The following CLGN variants were observed in gnomAD, a reference collection of about 807,000 sequenced individuals.
CLGN encodes the protein calmegin, also known as testis tissue sperm-binding protein Li 79P.
A neutral mutation model predicts 79.1 loss-of-function variants in CLGN; 62 were observed. That is an observed-to-expected ratio of 0.78 (90% CI 0.64 to 0.97). The LOEUF is 0.97. Among genes scored for constraint, CLGN ranks in the 50% least tolerant of loss-of-function variants. The pLI is 0.00. For missense variants in CLGN, 647 were observed against 715.5 expected (o/e 0.90, Z 1.09); for synonymous variants, 225 against 224.7 (o/e 1.00, Z -0.01).
chr4:140,425,183 T>A (rs1024344643), intron 1 of CLGN, among the ~76,000 whole-genome samples: 5 of 152,190 alleles, frequency 3.3e-5, no homozygotes, highest in Non-Finnish European at 7.4e-5. Flanking sequence ...CATTACCTGG[T>A]TCCAGCCAAC....
intron 14 of CLGN, 48 bp from the exon 15 acceptor site, chr4:140,389,352 T>C: frequency 8.0e-7 from 1 of 1,243,426 alleles, no homozygotes; most frequent in South Asian, 1.2e-5. Context: ...AACACATAAC[T>C]AGTAGATAGT....
At chr4:140,410,785 G>A (rs1464931578) in intron 2 of CLGN, among the ~76,000 whole-genome samples, 159 bp from the exon 3 acceptor site, 1 of 151,930 alleles carries the variant, frequency 6.6e-6, no homozygotes, top group Non-Finnish European at 1.5e-5. Context: ...ACCTAGTAAT[G>A]ATAAGGTACA....
Position 140,392,577 on chromosome 4 carries a change from T to C in CLGN, c.1491+9A>G, listed in dbSNP as rs759671707. 5 of 1,582,440 alleles carry C rather than the reference T, an allele frequency of 3.2e-6. No individual in the cohort carries two copies. The African/African-American group carries it at 6.9e-5, about 22-fold the overall frequency. ...GTGAAAAAAGTTGAAGGAAATCCAT[T>C]TTCTTTACCTTTACTTTTCTTGGCC... On this transcript the variant is annotated intron_variant, in intron 12 of 14. Transcript: ENST00000325617.
chr4:140,396,196 A>G lies in CLGN; in HGVS notation c.894T>C (p.Ser298=), dbSNP rs748766457. The change falls in exon 9 of 15, where the codon AGT becomes AGC. Residue 298 remains serine (S), a synonymous_variant. Coordinates refer to ENST00000325617, the MANE Select transcript of CLGN (RefSeq NM_004362.3). ...SAVKPEDWDE[S]EPAQIEDSSV... is the part of the protein sequence containing the mutation. ...TTGAATCTTCTATTTGGGCAGGTTC[A>G]CTTTCATCCCTGTAAATACAACGTT... 8 of 1,613,574 alleles carry G rather than the reference A, an allele frequency of 5.0e-6. No individual in the cohort carries two copies. The Middle Eastern group carries it at 4.9e-4, about 100-fold the overall frequency.
intron 1 of CLGN, among the ~76,000 whole-genome samples, chr4:140,425,659 T>A (rs1729554228): frequency 1.4e-5 from 2 of 146,698 alleles, no homozygotes. Context: ...GATGGAGTCT[T>A]GCTCTGTCAC....
intron 1 of CLGN, among the ~76,000 whole-genome samples, chr4:140,421,889 G>A (rs1729477463): frequency 6.6e-6 from 1 of 151,914 alleles, no homozygotes; most frequent in African/African-American, 2.4e-5. Flanking sequence ...AGCTTTCCAT[G>A]TTTTCTTTTA....
chr4:140,412,804 A>G, intron 2 of CLGN, 131 bp downstream of exon 2: 1 of 840,946 alleles, frequency 1.2e-6, no homozygotes, highest in Non-Finnish European at 1.8e-6. Flanking sequence ...AGACACTTAG[A>G]AAAAAAATCA....
chr4:140,403,123 C>T (rs896540514), intron 5 of CLGN, among the ~76,000 whole-genome samples: 1 of 152,004 alleles, frequency 6.6e-6, no homozygotes, highest in African/African-American at 2.4e-5. Context: ...TACTTTTTAC[C>T]ATGCTTTATT....
At chr4:140,422,729 C>T (rs1197677947) in intron 1 of CLGN, among the ~76,000 whole-genome samples, 1 of 152,134 alleles carries the variant, frequency 6.6e-6, no homozygotes, top group Non-Finnish European at 1.5e-5. Context: ...TGATCCTCCA[C>T]TTCAGCCTCT....
In CLGN at chr4:140,406,027, C is replaced by T; in HGVS notation, c.334G>A (p.Val112Ile). Residue 112 changes from valine (V) to isoleucine (I), a missense_variant, in exon 5 of 15, where the codon GTA (valine) becomes ATA (isoleucine). Physicochemically the swap from Val to Ile is conservative, Grantham distance 29. Coordinates refer to ENST00000325617, the MANE Select transcript of CLGN (RefSeq NM_004362.3). ...TGATGCTTTGCTCTAGATTTTAATA[C>T]CAGTCCTCTGTCACCAGGTACCTGG... ...ENQVPGDRGL[V>I]LKSRAKHHAI... is the part of the protein sequence containing the mutation. The T allele has an allele frequency of 6.2e-7, 1 of 1,613,324 alleles. No homozygotes were observed.
intron 1 of CLGN, among the ~76,000 whole-genome samples, chr4:140,421,347 A>T (rs1455860745): frequency 6.6e-6 from 1 of 151,938 alleles, no homozygotes; most frequent in East Asian, 1.9e-4. Context: ...TCATATGATA[A>T]TTCTATTTTT....
rs1728724218 is a variant in CLGN, at chr4:140,388,953, C to G, written c.*271G>C. 1 of 363,196 alleles carries G rather than the reference C, an allele frequency of 2.8e-6. No homozygotes were observed. The highest frequency in any genetic ancestry group is 5.0e-6 in the Non-Finnish European group (1 of 200,342). The allele number at this position is 363,196 out of a possible 1,614,324, so 22.5% of individuals were successfully genotyped here. ...TGTTCTGTACAAACCAAAACTATCTCCAAACAACTAAAACTGTGTAACTTC... is the reference window on the plus strand; with the variant it reads ...TGTTCTGTACAAACCAAAACTATCTGCAAACAACTAAAACTGTGTAACTTC... On this transcript the variant is annotated 3_prime_UTR_variant, in exon 15 of 15. Transcript: ENST00000325617.
chr4:140,396,546 G>A (rs1028346852), intron 8 of CLGN, among the ~76,000 whole-genome samples: 2 of 151,620 alleles, frequency 1.3e-5, no homozygotes, highest in African/African-American at 4.8e-5. Flanking sequence ...GACTGTTCGA[G>A]GAGCTCCATT....
chr4:140,413,820 G>C (rs1293500396), intron 1 of CLGN, among the ~76,000 whole-genome samples: 1 of 151,810 alleles, frequency 6.6e-6, no homozygotes, highest in Non-Finnish European at 1.5e-5. Flanking sequence ...AGGTAAACAA[G>C]GCAGCCTGGA....
chr4:140,419,040 C>A (rs1033745052), intron 1 of CLGN, among the ~76,000 whole-genome samples: 5 of 152,222 alleles, frequency 3.3e-5, no homozygotes, highest in Non-Finnish European at 7.4e-5. Flanking sequence ...ATGATGAGTT[C>A]ATGTCCTTTG....
intron 8 of CLGN, among the ~76,000 whole-genome samples, chr4:140,396,919 A>ATG (rs1286073589): frequency 5.3e-5 from 7 of 133,182 alleles, no homozygotes; most frequent in Admixed American, 4.5e-4. Flanking sequence ...ATATATATAT[A>ATG]TATACACATA....
intron 1 of CLGN, among the ~76,000 whole-genome samples, chr4:140,413,390 T>C (rs923132669): frequency 6.6e-6 from 1 of 152,054 alleles, no homozygotes; most frequent in African/African-American, 2.4e-5. Flanking sequence ...CGTCTACAGC[T>C]CCCAGTGTGA....
chr4:140,399,170 C>A (rs1239272276), intron 7 of CLGN, 130 bp from the exon 8 acceptor site: 2 of 672,146 alleles, frequency 3.0e-6, no homozygotes, highest in Non-Finnish European at 4.6e-6. Flanking sequence ...AGAGGAATAA[C>A]CAATGTATTG....
In CLGN at chr4:140,392,717, G is replaced by A. The variant is rs766178363; in HGVS notation, c.1366-6C>T. 3 of 1,568,002 alleles carry A rather than the reference G, an allele frequency of 1.9e-6. No individual in the cohort carries two copies. The South Asian group carries it at 3.6e-5, about 19-fold the overall frequency. ...AACTGTTTTAATACACCAGGCTATA[G>A]ACGAGATAAGCATAAAAATGCAATT... is the stretch of plus-strand genomic sequence containing the variant. On this transcript the variant is annotated splice_region_variant and splice_polypyrimidine_tract_variant and intron_variant, in intron 11 of 14. Transcript: ENST00000325617.
Sources: gnomAD v4.1 joint callset for allele counts (sites outside exome capture counted in the v4.1 genomes callset) on GRCh38, gnomAD v4.1.1 for gene constraint, MANE v1.5 for transcripts, NCBI Gene and HGNC (gene_info 2026-07-23, HGNC 2026-07-21) for gene names.